The following CFAP36 variants were observed in gnomAD, a reference collection of about 807,000 sequenced individuals.
CFAP36 encodes cilia and flagella associated protein 36.
Under a neutral mutation model 50.5 loss-of-function variants are expected in CFAP36, and 37 were observed. The ratio of observed to expected loss-of-function variants is 0.73; its 90% CI spans 0.56 to 0.96. The LOEUF (loss-of-function observed/expected upper bound fraction) is 0.96. CFAP36 is among the 50% of genes least tolerant of loss of function. The pLI, the probability that CFAP36 is intolerant of heterozygous loss-of-function variation, is 0.00. For missense variants in CFAP36, 407 were observed against 396.2 expected, an observed-to-expected ratio of 1.03 and a Z score of -0.23; for synonymous variants, 138 against 128.2, an observed-to-expected ratio of 1.08 and a Z score of -0.52.
At chr2:55,522,355 CCTCTA>C (rs1314986543) in intron 2 of CFAP36, among the ~76,000 whole-genome samples, 189 bp downstream of exon 2, 8 of 152,290 alleles carry the variant, frequency 5.3e-5, no homozygotes, top group African/African-American at 9.6e-5. Context: ...TGACTTATCT[CCTCTA>C]CTCTAAGGAA....
At chr2:55,523,646 A>G in intron 2 of CFAP36, 75 bp from the exon 3 acceptor site, 1 of 920,182 alleles carries the variant, frequency 1.1e-6, no homozygotes, top group African/African-American at 1.7e-5. Context: ...ACTTTTCTAA[A>G]CTAAATACTT....
chr2:55,522,948 A>G (rs1684110269), intron 2 of CFAP36, among the ~76,000 whole-genome samples: 1 of 152,040 alleles, frequency 6.6e-6, no homozygotes, highest in South Asian at 2.1e-4. Flanking sequence ...TACAAAAATT[A>G]ATCAGTCATG....
At chr2:55,526,905 G>A (rs950825273) in intron 3 of CFAP36, among the ~76,000 whole-genome samples, 2 of 152,180 alleles carry the variant, frequency 1.3e-5, no homozygotes, top group Admixed American at 1.3e-4. Context: ...ACACGCTGCT[G>A]TAGTCCTAGC....
chr2:55,529,649 T>C (rs1684303229), intron 4 of CFAP36, among the ~76,000 whole-genome samples: 1 of 146,604 alleles, frequency 6.8e-6, no homozygotes, highest in Non-Finnish European at 1.5e-5. Context: ...CAGTGGTTCT[T>C]TTTTTTTTTT....
chr2:55,535,644 T>C, intron 5 of CFAP36, 68 bp from the exon 6 acceptor site: 1 of 1,145,632 alleles, frequency 8.7e-7, no homozygotes, highest in South Asian at 1.6e-5. Context: ...GCATGTTGCT[T>C]AGTTGAATAT....
intron 3 of CFAP36, among the ~76,000 whole-genome samples, chr2:55,525,228 G>A (rs551268016): frequency 2.6e-5 from 4 of 152,216 alleles, no homozygotes; most frequent in Admixed American, 2.6e-4. Flanking sequence ...AAGACAGGAG[G>A]ATTGCTTGAA....
intron 2 of CFAP36, among the ~76,000 whole-genome samples, chr2:55,522,547 C>G (rs1422673497): frequency 6.6e-6 from 1 of 152,168 alleles, no homozygotes; most frequent in Non-Finnish European, 1.5e-5. Context: ...TGCAGTGGCA[C>G]TATCACAGCC....
In CFAP36 at chr2:55,544,067, C is replaced by G. The variant is rs1326204507; in HGVS notation, c.770C>G (p.Pro257Arg). 1.2e-6 allele frequency: 2 copies of G among 1,613,348 alleles called. No homozygotes were observed. The highest frequency in any genetic ancestry group is 1.1e-5 in the South Asian group (1 of 90,952). ...TTAGAGCATGCGAGCATTGAAGGAC[C>G]AATAGCAGTAAGTAAACGACATCAC... ...PGLEHASIEGPIANLSVLGTE... is the reference protein window; with the variant it reads ...PGLEHASIEGRIANLSVLGTE... The change falls in exon 8 of 10, where the codon CCA (proline) becomes CGA (arginine). Residue 257 changes from proline to arginine, a missense_variant. Coordinates refer to ENST00000349456, the MANE Select transcript of CFAP36 (RefSeq NM_080667.7).
chr2:55,527,446 G>A (rs1316304993), intron 3 of CFAP36, among the ~76,000 whole-genome samples: 1 of 152,128 alleles, frequency 6.6e-6, no homozygotes, highest in Non-Finnish European at 1.5e-5. Context: ...GCCGGGTGTG[G>A]TAGTGGGCAC....
intron 4 of CFAP36, among the ~76,000 whole-genome samples, chr2:55,533,203 C>G (rs1035725074): frequency 6.6e-6 from 1 of 152,160 alleles, no homozygotes. Context: ...AGAGCAGTTT[C>G]ATTATTAAGC....
In CFAP36 at chr2:55,528,943, A is replaced by T. The variant is rs1198807537; in HGVS notation, c.348A>T (p.Lys116Asn). 1 of 1,612,338 alleles carries T rather than the reference A, an allele frequency of 6.2e-7. No homozygotes were observed. Among genetic ancestry groups the T allele is most frequent in the Admixed American group, 1.7e-5 (1 of 59,696 alleles). ...TCTTTAAAGCAATGATGGTCCAGAA[A>T]AACATTGAAATGCAGCTGCAAGCCA... ...FTIFKAMMVQ[K>N]NIEMQLQAIR... The change falls in exon 4 of 10, where the codon AAA (lysine) becomes AAT (asparagine). Residue 116 changes from lysine (K) to asparagine (N), a missense_variant. By Grantham distance (94) the Lys-to-Asn change is moderately conservative. Transcript: ENST00000349456.
At chr2:55,525,893 C>CCAAT in intron 3 of CFAP36, among the ~76,000 whole-genome samples, 1 of 152,194 alleles carries the variant, frequency 6.6e-6, no homozygotes, top group African/African-American at 2.4e-5. Flanking sequence ...TCCCAAAGTG[C>CCAAT]TGGGATTACA....
chr2:55,523,856 T>C, intron 3 of CFAP36, 34 bp downstream of exon 3: 1 of 1,346,776 alleles, frequency 7.4e-7, no homozygotes, highest in Non-Finnish European at 1.0e-6. Context: ...TAACATACAG[T>C]TTTAACAAAT....
intron 4 of CFAP36, among the ~76,000 whole-genome samples, chr2:55,533,040 C>T (rs559875270): frequency 6.6e-6 from 1 of 152,170 alleles, no homozygotes. Context: ...TTGTATCCCC[C>T]CAAAGTGCTT....
intron 4 of CFAP36, among the ~76,000 whole-genome samples, chr2:55,529,384 T>G (rs1313212138): frequency 1.3e-5 from 2 of 151,182 alleles, no homozygotes; most frequent in Non-Finnish European, 2.9e-5. Context: ...ATCGCGCCAC[T>G]GCACTCCAGC....
intron 5 of CFAP36, among the ~76,000 whole-genome samples, chr2:55,534,772 T>C (rs1381288531): frequency 6.6e-6 from 1 of 152,212 alleles, no homozygotes; most frequent in Non-Finnish European, 1.5e-5. Context: ...TCTAGCATCC[T>C]ACAGTTCCCC....
chr2:55,544,850 A>G, intron 9 of CFAP36, 57 bp from the exon 10 acceptor site: 1 of 1,161,666 alleles, frequency 8.6e-7, no homozygotes. Context: ...GTATGTTGGG[A>G]ATTTTAGACA....
chr2:55,544,849 G>T, intron 9 of CFAP36, 58 bp from the exon 10 acceptor site: 1 of 1,152,298 alleles, frequency 8.7e-7, no homozygotes, highest in Non-Finnish European at 1.2e-6. Context: ...AGTATGTTGG[G>T]AATTTTAGAC....
chr2:55,520,454 G>A, intron 1 of CFAP36: 1 of 1,548,716 alleles, frequency 6.5e-7, no homozygotes, highest in Non-Finnish European at 8.7e-7. Context: ...CAGAGCCGGT[G>A]ATTTTGGTGG....
Sources: gnomAD v4.1 joint callset for allele counts (sites outside exome capture counted in the v4.1 genomes callset) on GRCh38, gnomAD v4.1.1 for gene constraint, MANE v1.5 for transcripts, NCBI Gene and HGNC (gene_info 2026-07-23, HGNC 2026-07-21) for gene names.